The following EXOC6B variants were observed in gnomAD, a reference collection of about 807,000 sequenced individuals.
EXOC6B encodes the protein exocyst complex component 6B, also known as SEC15 homolog B.
A neutral mutation model predicts 113.5 loss-of-function variants in EXOC6B; 54 were observed. That is an observed-to-expected ratio of 0.48 (90% CI 0.38 to 0.60). The LOEUF (loss-of-function observed/expected upper bound fraction) is 0.60. Among genes scored for constraint, EXOC6B ranks in the 20% least tolerant of loss-of-function variants. The probability of loss-of-function intolerance (pLI) is 0.00; values close to 1 mark genes in which losing one functional copy is unlikely to be tolerated. For synonymous variants in EXOC6B, 357 were observed against 339.0 expected, an observed-to-expected ratio of 1.05 and a Z score of -0.58; for missense variants, 797 against 977.5, an observed-to-expected ratio of 0.82 and a Z score of 2.46.
intron 20 of EXOC6B, among the ~76,000 whole-genome samples, chr2:72,214,278 G>A (rs1680369447): frequency 6.6e-6 from 1 of 152,028 alleles, no homozygotes; most frequent in Admixed American, 6.6e-5. Flanking sequence ...ATGAGGTTAG[G>A]AGACCAAGAC....
At chr2:72,813,890 A>C (rs1057171515) in intron 1 of EXOC6B, among the ~76,000 whole-genome samples, 1 of 152,208 alleles carries the variant, frequency 6.6e-6, no homozygotes, top group Admixed American at 6.5e-5. Context: ...TCTAAGTTAC[A>C]GGAAGTGGTA....
At chr2:72,594,499 T>G (rs1669941562) in intron 6 of EXOC6B, among the ~76,000 whole-genome samples, 1 of 152,192 alleles carries the variant, frequency 6.6e-6, no homozygotes, top group Admixed American at 6.5e-5. Context: ...ACCCAGGAGA[T>G]GATGGATGCT....
chr2:72,296,621 T>G (rs1686151217), intron 20 of EXOC6B, among the ~76,000 whole-genome samples: 1 of 152,108 alleles, frequency 6.6e-6, no homozygotes, highest in Non-Finnish European at 1.5e-5. Context: ...CATAATACAC[T>G]GAAAATGGAA....
intron 6 of EXOC6B, among the ~76,000 whole-genome samples, chr2:72,646,651 C>T (rs1673739279): frequency 6.6e-6 from 1 of 152,234 alleles, no homozygotes; most frequent in Middle Eastern, 3.4e-3. Context: ...TCAACATACG[C>T]AAATCAATAA....
intron 1 of EXOC6B, among the ~76,000 whole-genome samples, chr2:72,783,312 T>C (rs1684169406): frequency 7.3e-6 from 1 of 137,778 alleles, no homozygotes; most frequent in Admixed American, 8.3e-5. Flanking sequence ...CACTTCTTTT[T>C]CTTTTCTTTT....
At chr2:72,211,600 A>T (rs1280127369) in intron 20 of EXOC6B, among the ~76,000 whole-genome samples, 1 of 152,208 alleles carries the variant, frequency 6.6e-6, no homozygotes, top group African/African-American at 2.4e-5. Flanking sequence ...GCTGGGTTTT[A>T]TGGTGATTTC....
At chr2:72,774,386 AAAT>A (rs1683574654) in intron 1 of EXOC6B, among the ~76,000 whole-genome samples, 1 of 152,226 alleles carries the variant, frequency 6.6e-6, no homozygotes, top group Admixed American at 6.5e-5. Flanking sequence ...AGAATGGGTG[AAAT>A]AAAAAATAGT....
At chr2:72,358,629 G>A (rs1055435705) in intron 19 of EXOC6B, among the ~76,000 whole-genome samples, 1 of 152,074 alleles carries the variant, frequency 6.6e-6, no homozygotes, top group Non-Finnish European at 1.5e-5. Context: ...GAAGATCCAG[G>A]TTTTAAAGGA....
intron 1 of EXOC6B, among the ~76,000 whole-genome samples, chr2:72,794,116 T>C (rs1308792043): frequency 6.6e-6 from 1 of 152,210 alleles, no homozygotes; most frequent in Non-Finnish European, 1.5e-5. Context: ...AATCGTCATA[T>C]ATAAACATCC....
chr2:72,770,114 C>T (rs1432628469), intron 1 of EXOC6B, among the ~76,000 whole-genome samples: 1 of 151,948 alleles, frequency 6.6e-6, no homozygotes, highest in African/African-American at 2.4e-5. Flanking sequence ...GAACACAAAC[C>T]CAACTAGATG....
chr2:72,501,994 C>A (rs558323102), intron 11 of EXOC6B, among the ~76,000 whole-genome samples: 2 of 152,012 alleles, frequency 1.3e-5, no homozygotes, highest in African/African-American at 4.8e-5. Flanking sequence ...AACTACTGGG[C>A]TCAAGCAATC....
At chr2:72,709,188 G>T (rs923639122) in intron 6 of EXOC6B, among the ~76,000 whole-genome samples, 1 of 151,952 alleles carries the variant, frequency 6.6e-6, no homozygotes, top group South Asian at 2.1e-4. Flanking sequence ...TGGCCATCCT[G>T]AACATTTTGA....
At chr2:72,182,346 C>T (rs1416046838) in intron 21 of EXOC6B, among the ~76,000 whole-genome samples, 1 of 152,120 alleles carries the variant, frequency 6.6e-6, no homozygotes, top group African/African-American at 2.4e-5. Flanking sequence ...ATGTAAATAA[C>T]TGAAGGGAAT....
intron 8 of EXOC6B, among the ~76,000 whole-genome samples, chr2:72,525,891 G>A (rs1701725957): frequency 6.6e-6 from 1 of 152,112 alleles, no homozygotes; most frequent in African/African-American, 2.4e-5. Flanking sequence ...TTAACTGAGT[G>A]TCTGCATATG....
intron 6 of EXOC6B, among the ~76,000 whole-genome samples, chr2:72,650,504 C>T (rs1021312193): frequency 6.6e-6 from 1 of 151,690 alleles, no homozygotes; most frequent in African/African-American, 2.4e-5. Context: ...GGGAGGCTGA[C>T]GCAGGAGAAT....
At chr2:72,244,507 A>G (rs1682533247) in intron 20 of EXOC6B, among the ~76,000 whole-genome samples, 1 of 152,142 alleles carries the variant, frequency 6.6e-6, no homozygotes, top group African/African-American at 2.4e-5. Flanking sequence ...AGAAGAAAGA[A>G]GAGCATATTA....
At chr2:72,578,247 T>A (rs146960642) in intron 6 of EXOC6B, among the ~76,000 whole-genome samples, 1 of 152,200 alleles carries the variant, frequency 6.6e-6, no homozygotes, top group East Asian at 1.9e-4. Flanking sequence ...TTGTTCATCA[T>A]GTCAATTAGA....
At chr2:72,358,548 A>T (rs1046225233) in intron 19 of EXOC6B, among the ~76,000 whole-genome samples, 3 of 152,222 alleles carry the variant, frequency 2.0e-5, no homozygotes, top group Non-Finnish European at 4.4e-5. Flanking sequence ...AGATAGGTAC[A>T]AATATAACTT....
At chr2:72,365,973 A>T (rs1156836415) in intron 19 of EXOC6B, among the ~76,000 whole-genome samples, 1 of 152,134 alleles carries the variant, frequency 6.6e-6, no homozygotes, top group Non-Finnish European at 1.5e-5. Context: ...AATAACTAAA[A>T]TCCATGTGCA....
Sources: gnomAD v4.1 joint callset for allele counts (sites outside exome capture counted in the v4.1 genomes callset) on GRCh38, gnomAD v4.1.1 for gene constraint, MANE v1.5 for transcripts, NCBI Gene and HGNC (gene_info 2026-07-23, HGNC 2026-07-21) for gene names.